The following GSAP variants were observed in gnomAD, a reference collection of about 807,000 sequenced individuals.
GSAP encodes gamma-secretase-activating protein.
Under a neutral mutation model 131.7 loss-of-function variants are expected in GSAP, and 118 were observed. That is an observed-to-expected ratio of 0.90 (90% CI 0.77 to 1.04). The LOEUF is 1.04. Ranked by LOEUF, GSAP falls within the 50% of genes least tolerant of loss-of-function variation. The pLI, the probability that GSAP is intolerant of heterozygous loss-of-function variation, is 0.00. For missense variants in GSAP, 1,019 were observed against 1,013.2 expected, an observed-to-expected ratio of 1.01 and a Z score of -0.08; for synonymous variants, 381 against 363.4, an observed-to-expected ratio of 1.05 and a Z score of -0.55.
At chr7:77,364,065 C>A (rs1056589280) in intron 12 of GSAP, among the ~76,000 whole-genome samples, 2 of 152,020 alleles carry the variant, frequency 1.3e-5, no homozygotes, top group African/African-American at 4.8e-5. Flanking sequence ...ACTTTAGATT[C>A]TCTAGTAATA....
At chr7:77,384,011 C>T (rs535041086) in intron 6 of GSAP, among the ~76,000 whole-genome samples, 2 of 152,146 alleles carry the variant, frequency 1.3e-5, no homozygotes, top group African/African-American at 2.4e-5. Context: ...TATAAAATAG[C>T]AATGCAGAAT....
At chr7:77,312,034 G>T in intron 29 of GSAP, 67 bp downstream of exon 29, 2 of 1,202,560 alleles carry the variant, frequency 1.7e-6, no homozygotes, top group Non-Finnish European at 2.5e-6. Context: ...TGTCCATACA[G>T]ATATGTTGTC....
chr7:77,323,526 C>T (rs757231559), intron 24 of GSAP, 121 bp downstream of exon 24: 63 of 549,130 alleles, frequency 1.1e-4, no homozygotes, highest in African/African-American at 2.2e-4. Context: ...GATTTAAGAA[C>T]GGGAGATCTC....
At chr7:77,378,773 C>T (rs893587955) in intron 8 of GSAP, among the ~76,000 whole-genome samples, 2 of 151,964 alleles carry the variant, frequency 1.3e-5, no homozygotes, top group Non-Finnish European at 2.9e-5. Context: ...CAGCTGACCT[C>T]GAAATAATTT....
Position 77,407,596 on chromosome 7 carries a change from CT to C in GSAP, c.110-1492del, listed in dbSNP as rs755030958. ...TTTTGCTATTCTTTTATTAGTTATA[CT>C]AAAAGTTGTAACAGGCATCCTTGAC... is the stretch of plus-strand genomic sequence containing the variant. On this transcript the variant is annotated intron_variant, in intron 1 of 30. Coordinates refer to ENST00000257626, the MANE Select transcript of GSAP (RefSeq NM_017439.4). Among the ~76,000 whole-genome samples the C allele has an allele frequency of 3.9e-5, 6 of 151,970 alleles. No individual in the cohort carries two copies. In the East Asian group the frequency reaches 7.7e-4, roughly 19 times the overall value.
chr7:77,354,916 T>A (rs1021774543), intron 16 of GSAP, among the ~76,000 whole-genome samples: 8 of 152,262 alleles, frequency 5.3e-5, no homozygotes, highest in African/African-American at 1.7e-4. Flanking sequence ...GGAGAAAAAG[T>A]AGATATTTAA....
chr7:77,374,014 T>C, intron 12 of GSAP, 56 bp downstream of exon 12: 1 of 956,728 alleles, frequency 1.0e-6, no homozygotes, highest in Non-Finnish European at 1.7e-6. Flanking sequence ...AATGAGTAAA[T>C]TTTGTCTAGA....
At chr7:77,385,034 C>CTTT (rs1228460297) in intron 6 of GSAP, among the ~76,000 whole-genome samples, 5 of 139,738 alleles carry the variant, frequency 3.6e-5, no homozygotes, top group Non-Finnish European at 1.6e-5. Flanking sequence ...GTACTTCTAA[C>CTTT]TTTTTTTTTT....
intron 26 of GSAP, among the ~76,000 whole-genome samples, chr7:77,319,550 A>G (rs1038850901): frequency 1.3e-5 from 2 of 152,250 alleles, no homozygotes; most frequent in East Asian, 3.8e-4. Flanking sequence ...TTCTGGATAA[A>G]TATCTGTAAG....
intron 19 of GSAP, among the ~76,000 whole-genome samples, chr7:77,340,178 CT>C (rs947317203): frequency 6.6e-6 from 1 of 152,212 alleles, no homozygotes; most frequent in African/African-American, 2.4e-5. Flanking sequence ...ACACACGCCC[CT>C]GCCCATAAGA....
chr7:77,330,407 C>A, intron 19 of GSAP, 40 bp from the exon 20 acceptor site: 1 of 1,603,226 alleles, frequency 6.2e-7, no homozygotes, highest in Non-Finnish European at 8.5e-7. Flanking sequence ...CAGAGGCAGG[C>A]CCAGTGGCCC....
At chr7:77,383,207 G>A (rs1798043989) in intron 6 of GSAP, among the ~76,000 whole-genome samples, 1 of 151,940 alleles carries the variant, frequency 6.6e-6, no homozygotes, top group Non-Finnish European at 1.5e-5. Flanking sequence ...AAAATAAACA[G>A]TAAATGTTAA....
chr7:77,375,582 C>T (rs529216283), intron 10 of GSAP, among the ~76,000 whole-genome samples: 48 of 152,324 alleles, frequency 3.2e-4, no homozygotes, highest in African/African-American at 1.2e-3. Context: ...TGGTGGCTCA[C>T]GCCTATAATT....
At chr7:77,347,476 C>A (rs1792082296) in intron 19 of GSAP, among the ~76,000 whole-genome samples, 1 of 152,130 alleles carries the variant, frequency 6.6e-6, no homozygotes, top group Non-Finnish European at 1.5e-5. Flanking sequence ...AATTCCCACA[C>A]ATTTGGTAAC....
chr7:77,367,940 G>A (rs958163952), intron 12 of GSAP, among the ~76,000 whole-genome samples: 1 of 152,136 alleles, frequency 6.6e-6, no homozygotes, highest in Non-Finnish European at 1.5e-5. Flanking sequence ...GAGGCTGTTT[G>A]TGTCCAGGAA....
At chr7:77,376,362 A>G (rs1027121954) in intron 10 of GSAP, among the ~76,000 whole-genome samples, 3 of 152,208 alleles carry the variant, frequency 2.0e-5, no homozygotes, top group African/African-American at 7.2e-5. Context: ...CATTAACTGG[A>G]TTTGTTATAG....
intron 5 of GSAP, among the ~76,000 whole-genome samples, chr7:77,391,949 G>A (rs944436789): frequency 1.3e-5 from 2 of 152,222 alleles, no homozygotes; most frequent in African/African-American, 4.8e-5. Context: ...TGATGGCCGG[G>A]AGTGGTGGCT....
At chr7:77,321,455 G>T in intron 24 of GSAP, 52 bp from the exon 25 acceptor site, 2 of 1,177,336 alleles carry the variant, frequency 1.7e-6, no homozygotes, top group Non-Finnish European at 2.6e-6. Flanking sequence ...TCCCTCAAGG[G>T]CCCCACAGCT....
chr7:77,353,321 T>C (rs1286322411), intron 17 of GSAP, among the ~76,000 whole-genome samples: 1 of 151,906 alleles, frequency 6.6e-6, no homozygotes, highest in Non-Finnish European at 1.5e-5. Flanking sequence ...GAAAAAAAAA[T>C]CACTAATAAG....
Sources: gnomAD v4.1 joint callset for allele counts (sites outside exome capture counted in the v4.1 genomes callset) on GRCh38, gnomAD v4.1.1 for gene constraint, MANE v1.5 for transcripts, NCBI Gene and HGNC (gene_info 2026-07-23, HGNC 2026-07-21) for gene names.